The following PDE7A variants were observed in gnomAD, a reference collection of about 807,000 sequenced individuals.
PDE7A encodes phosphodiesterase 7A, also known as high affinity 3',5'-cyclic-AMP phosphodiesterase 7A.
Under a neutral mutation model 64.3 loss-of-function variants are expected in PDE7A, and 39 were observed. The observed-to-expected ratio is 0.61, with a 90% CI of 0.47 to 0.79. PDE7A has a LOEUF of 0.79. PDE7A is among the 30% of genes least tolerant of loss of function. PDE7A has a pLI of 0.00. For synonymous variants in PDE7A, 203 were observed against 206.8 expected, an observed-to-expected ratio of 0.98 and a Z score of 0.16; for missense variants, 470 against 582.8, an observed-to-expected ratio of 0.81 and a Z score of 1.99.
intron 1 of PDE7A, among the ~76,000 whole-genome samples, chr8:65,813,643 A>C (rs1215283526): frequency 1.3e-5 from 2 of 152,264 alleles, no homozygotes; most frequent in Admixed American, 6.5e-5. Context: ...TAAAAGAATG[A>C]ATCAAGCATT....
At chr8:65,740,996 T>C (rs1807403775) in intron 5 of PDE7A, among the ~76,000 whole-genome samples, 1 of 152,216 alleles carries the variant, frequency 6.6e-6, no homozygotes, top group Admixed American at 6.5e-5. Flanking sequence ...CGTCCACTCC[T>C]TTGTCACTAA....
intron 6 of PDE7A, among the ~76,000 whole-genome samples, chr8:65,735,232 C>T (rs1368326118): frequency 2.6e-5 from 4 of 152,192 alleles, no homozygotes; most frequent in Admixed American, 6.5e-5. Context: ...AACACAATCG[C>T]CGAGTGAGCG....
chr8:65,823,065 C>T (rs1376191675), intron 1 of PDE7A, among the ~76,000 whole-genome samples: 1 of 151,886 alleles, frequency 6.6e-6, no homozygotes, highest in Non-Finnish European at 1.5e-5. Context: ...TTTCTATTTC[C>T]AGTGGTTCTT....
chr8:65,816,119 GCT>G (rs1364763957), intron 1 of PDE7A, among the ~76,000 whole-genome samples: 1 of 152,036 alleles, frequency 6.6e-6, no homozygotes, highest in Non-Finnish European at 1.5e-5. Context: ...ATAATATTTA[GCT>G]CTTTTCTCAG....
chr8:65,824,235 T>C (rs762401398), intron 1 of PDE7A, among the ~76,000 whole-genome samples: 1 of 152,206 alleles, frequency 6.6e-6, no homozygotes, highest in Non-Finnish European at 1.5e-5. Flanking sequence ...TCTGTGATAG[T>C]GATCTTTAAT....
In PDE7A at chr8:65,781,048, T is replaced by C. The variant is rs1384248430; in HGVS notation, c.200-1245A>G. 2.0e-5 allele frequency: 3 copies of C among 152,246 alleles called. No individual in the cohort carries two copies. The East Asian group carries it at 5.8e-4, about 29-fold the overall frequency. 9.4% of individuals were successfully genotyped at this position (152,246 alleles called of 1,614,324 possible). ...TCATGAAGCTTATCTTTTTGTGTGA[T>C]GACACAAATAATAAATACCAAATTT... On this transcript the variant is annotated intron_variant, in intron 2 of 12. Transcript: ENST00000401827.
intron 12 of PDE7A, chr8:65,719,773 T>C (rs925038788): frequency 7.3e-6 from 3 of 411,154 alleles, no homozygotes; most frequent in Admixed American, 3.6e-5. Flanking sequence ...CACAACTACA[T>C]TCTTCTACTT....
At chr8:65,731,983 ATTATTG>A (rs1193076147) in intron 7 of PDE7A, among the ~76,000 whole-genome samples, 3 of 143,132 alleles carry the variant, frequency 2.1e-5, no homozygotes, top group African/African-American at 7.4e-5. Context: ...TATTATTATT[ATTATTG>A]TTGTTGTTGT....
chr8:65,832,987 CTTAA>C (rs1810869754), intron 1 of PDE7A, among the ~76,000 whole-genome samples: 1 of 152,226 alleles, frequency 6.6e-6, no homozygotes, highest in Non-Finnish European at 1.5e-5. Flanking sequence ...ATTTCCACTA[CTTAA>C]TTGTGTTACC....
intron 12 of PDE7A, 87 bp from the exon 13 acceptor site, chr8:65,719,582 A>G: frequency 1.2e-6 from 1 of 822,124 alleles, no homozygotes; most frequent in Non-Finnish European, 2.0e-6. Flanking sequence ...ACCTTCCTAC[A>G]TCCTACTCCA....
At chr8:65,779,688 A>G (rs1157073152) in intron 3 of PDE7A, 32 bp downstream of exon 3, 11 of 1,106,898 alleles carry the variant, frequency 9.9e-6, no homozygotes, top group Non-Finnish European at 1.5e-5. Context: ...TGTAGTGAAA[A>G]TCCGAGAAAC....
intron 3 of PDE7A, among the ~76,000 whole-genome samples, chr8:65,769,392 A>T (rs1375844898): frequency 1.3e-5 from 2 of 152,200 alleles, no homozygotes; most frequent in Non-Finnish European, 2.9e-5. Flanking sequence ...GAATCATTGC[A>T]ACAAAGCTGC....
intron 1 of PDE7A, among the ~76,000 whole-genome samples, chr8:65,825,577 T>C (rs1194827628): frequency 6.6e-6 from 1 of 152,212 alleles, no homozygotes; most frequent in East Asian, 1.9e-4. Context: ...TATTTAGAGT[T>C]AAGATAGTTC....
At chr8:65,809,911 A>G (rs1810210564) in intron 1 of PDE7A, among the ~76,000 whole-genome samples, 1 of 152,198 alleles carries the variant, frequency 6.6e-6, no homozygotes, top group Non-Finnish European at 1.5e-5. Context: ...AGTGTAAATT[A>G]GTTCAACCAT....
intron 1 of PDE7A, among the ~76,000 whole-genome samples, chr8:65,822,228 C>T (rs913998171): frequency 6.6e-6 from 1 of 152,156 alleles, no homozygotes; most frequent in Non-Finnish European, 1.5e-5. Context: ...CTGACCTTGC[C>T]GTCCATCAGC....
intron 3 of PDE7A, among the ~76,000 whole-genome samples, chr8:65,759,306 C>T (rs533488820): frequency 6.6e-6 from 1 of 152,200 alleles, no homozygotes; most frequent in African/African-American, 2.4e-5. Context: ...AATCTCCTGA[C>T]AGATGCCACT....
chr8:65,803,365 CAAGT>C (rs1310169205), intron 1 of PDE7A, among the ~76,000 whole-genome samples: 1 of 152,184 alleles, frequency 6.6e-6, no homozygotes, highest in Non-Finnish European at 1.5e-5. Context: ...GATTCATTAT[CAAGT>C]AAAAGTTTGA....
chr8:65,722,623 C>G (rs1357943753), intron 12 of PDE7A: 1 of 152,244 alleles, frequency 6.6e-6, no homozygotes, highest in Non-Finnish European at 1.5e-5. Flanking sequence ...ACCCAAAGCC[C>G]AACACACTCA....
chr8:65,801,434 C>T (rs1309131125), intron 1 of PDE7A, among the ~76,000 whole-genome samples: 3 of 152,122 alleles, frequency 2.0e-5, no homozygotes, highest in Non-Finnish European at 2.9e-5. Flanking sequence ...GCTTTCAACT[C>T]AAGGTCAAAT....
Sources: allele counts gnomAD v4.1 joint callset (sites outside exome capture counted in the v4.1 genomes callset), GRCh38; gene constraint gnomAD v4.1.1; transcripts MANE v1.5; gene names NCBI Gene and HGNC (gene_info 2026-07-23, HGNC 2026-07-21).